The following CFAP210 variants were observed in gnomAD, a reference collection of about 807,000 sequenced individuals.
The protein encoded by CFAP210 is cilia and flagella associated protein 210, also known as cilia- and flagella- associated protein 210.
chr2:169,646,164 C>T, the CFAP210 span: 2 of 1,608,022 alleles, frequency 1.2e-6, no homozygotes, highest in South Asian at 2.2e-5. Flanking sequence ...GCTTGCTTTG[C>T]ATTAAACTTA....
chr2:169,656,568 C>G, the CFAP210 span, among the ~76,000 whole-genome samples: 1 of 152,046 alleles, frequency 6.6e-6, no homozygotes, highest in Admixed American at 6.6e-5. Context: ...TTCATCCTTT[C>G]TTCTTTCTTG....
the CFAP210 span, among the ~76,000 whole-genome samples, chr2:169,656,138 A>C: frequency 7.9e-5 from 12 of 152,268 alleles, no homozygotes; most frequent in African/African-American, 2.9e-4. Flanking sequence ...AAGACCACAA[A>C]AATTAGACAG....
chr2:169,674,967 TC>T, the CFAP210 span: 2 of 1,547,406 alleles, frequency 1.3e-6, no homozygotes, highest in Non-Finnish European at 1.7e-6. Flanking sequence ...TTCTTCCAGA[TC>T]AAGAATTTGT....
At chr2:169,694,396 C>T in the CFAP210 span, 1 of 1,480,474 alleles carries the variant, frequency 6.8e-7, no homozygotes, top group Non-Finnish European at 9.4e-7. Context: ...GGAGTTGTTA[C>T]TCGTACCACG....
the CFAP210 span, among the ~76,000 whole-genome samples, chr2:169,692,582 G>A: frequency 3.9e-5 from 6 of 151,930 alleles, no homozygotes; most frequent in Admixed American, 2.6e-4. Flanking sequence ...CCTTTACTCT[G>A]CCCTCATGGC....
chr2:169,690,923 T>G, the CFAP210 span, among the ~76,000 whole-genome samples: 2 of 152,202 alleles, frequency 1.3e-5, no homozygotes, highest in Admixed American at 1.3e-4. Flanking sequence ...CTGAGCCTTT[T>G]GATTGTGTGA....
the CFAP210 span, among the ~76,000 whole-genome samples, chr2:169,665,838 T>C: frequency 6.6e-6 from 1 of 152,216 alleles, no homozygotes; most frequent in African/African-American, 2.4e-5. Context: ...AAAGGCAGGC[T>C]TGTAGCTTAT....
At chr2:169,647,450 A>G in the CFAP210 span, among the ~76,000 whole-genome samples, 4 of 152,180 alleles carry the variant, frequency 2.6e-5, no homozygotes, top group Admixed American at 2.6e-4. Flanking sequence ...TTAAAATCCT[A>G]AAAAACGCTA....
At chr2:169,674,705 T>C in the CFAP210 span, 6 of 1,608,980 alleles carry the variant, frequency 3.7e-6, no homozygotes, top group East Asian at 1.3e-4. Flanking sequence ...TGATTTTATC[T>C]TACTCTTTCG....
the CFAP210 span, chr2:169,654,074 C>G: frequency 3.7e-6 from 6 of 1,608,004 alleles, no homozygotes; most frequent in African/African-American, 8.0e-5. Context: ...TTAAAGCCTA[C>G]CTGTGTGTTT....
chr2:169,649,392 A>C, the CFAP210 span: 1 of 1,537,788 alleles, frequency 6.5e-7, no homozygotes, highest in South Asian at 1.2e-5. Context: ...AGTTATAGCA[A>C]CCAGTCTTGT....
chr2:169,693,785 G>C, the CFAP210 span, among the ~76,000 whole-genome samples: 2 of 152,164 alleles, frequency 1.3e-5, no homozygotes, highest in Admixed American at 1.3e-4. Flanking sequence ...GGAGGAAATG[G>C]AGATATTTCC....
At chr2:169,659,348 T>C in the CFAP210 span, 1 of 153,888 alleles carries the variant, frequency 6.5e-6, no homozygotes, top group Non-Finnish European at 1.4e-5. Flanking sequence ...GAAAAGAGGT[T>C]TAAATAGGCT....
At chr2:169,676,836 C>T in the CFAP210 span, among the ~76,000 whole-genome samples, 6 of 152,092 alleles carry the variant, frequency 3.9e-5, no homozygotes, top group Middle Eastern at 3.2e-3. Context: ...TGAGTTTATG[C>T]CTATCTGTAG....
At chr2:169,663,673 C>T in the CFAP210 span, among the ~76,000 whole-genome samples, 1 of 152,054 alleles carries the variant, frequency 6.6e-6, no homozygotes, top group Non-Finnish European at 1.5e-5. Flanking sequence ...GAGATTCCTA[C>T]TTGATTCATC....
At chr2:169,679,831 A>T in the CFAP210 span, among the ~76,000 whole-genome samples, 1 of 152,182 alleles carries the variant, frequency 6.6e-6, no homozygotes, top group African/African-American at 2.4e-5. Context: ...AAAACATAGG[A>T]GAAAATCTTT....
At chr2:169,674,754 T>C in the CFAP210 span, 2 of 1,576,056 alleles carry the variant, frequency 1.3e-6, no homozygotes, top group Middle Eastern at 3.4e-4. Flanking sequence ...ATAACTCTAC[T>C]AAGAAGAAGT....
the CFAP210 span, chr2:169,654,135 A>T: frequency 6.2e-7 from 1 of 1,605,306 alleles, no homozygotes; most frequent in South Asian, 1.1e-5. Context: ...TGCTTTGATG[A>T]ATTTTCTCAT....
the CFAP210 span, among the ~76,000 whole-genome samples, chr2:169,653,329 G>A: frequency 6.6e-6 from 1 of 151,450 alleles, no homozygotes; most frequent in Non-Finnish European, 1.5e-5. Context: ...GGAGAGGAGG[G>A]AATAGTAAGA....
Sources: allele counts gnomAD v4.1 joint callset (sites outside exome capture counted in the v4.1 genomes callset), GRCh38; gene constraint gnomAD v4.1.1; transcripts MANE v1.5; gene names NCBI Gene and HGNC (gene_info 2026-07-23, HGNC 2026-07-21).